Variants in FREM2 observed in about 807,000 individuals in gnomAD.
FREM2 encodes FRAS1 related extracellular matrix 2.
A neutral mutation model predicts 219.9 loss-of-function variants in FREM2; 119 were observed. That is an observed-to-expected ratio of 0.54 (90% CI 0.47 to 0.63). FREM2 has a LOEUF of 0.63. Among genes scored for constraint, FREM2 ranks in the 30% least tolerant of loss-of-function variants. The pLI is 0.00. For missense variants in FREM2, 4,030 were observed against 3,993.6 expected, an observed-to-expected ratio of 1.01 and a Z score of -0.25; for synonymous variants, 1,562 against 1,522.8, an observed-to-expected ratio of 1.03 and a Z score of -0.60.
intron 6 of FREM2, among the ~76,000 whole-genome samples, chr13:38,841,159 G>A (rs546367168): frequency 6.6e-6 from 1 of 152,288 alleles, no homozygotes; most frequent in South Asian, 2.1e-4. Context: ...TCAGTGGGTG[G>A]TTGTGAGGAT....
chr13:38,827,290 G>A (rs1266572299), intron 6 of FREM2: 1 of 152,072 alleles, frequency 6.6e-6, no homozygotes, highest in Non-Finnish European at 1.5e-5. Context: ...TGAGCATTAA[G>A]ACAATATAAC....
Position 38,687,794 on chromosome 13 carries a change from C to A in FREM2, c.450C>A (p.Arg150=). 6.5e-7 allele frequency: 1 copy of A among 1,538,308 alleles called. No individual in the cohort carries two copies. Among genetic ancestry groups the A allele is most frequent in the Non-Finnish European group, 8.8e-7 (1 of 1,138,336 alleles). The stretch of plus-strand genomic sequence containing the variant: ...GCGCGCGCAGCCCGTCTCGGGACCG[C>A]GTCCGGCTGCAGCTGCGCTATGACG... The part of the protein sequence containing the change: ...HLGARSPSRD[R]VRLQLRYDAP... Residue 150 remains arginine, a synonymous_variant, in exon 1 of 24, where the codon CGC becomes CGA. Transcript: ENST00000280481.
rs145007207 is a variant in FREM2 at position 38,727,865 on chromosome 13, A to G, written c.5263+30078A>G. ...GGCACAAATGGAACAAATCAGAACC[A>G]TAGAATGAATTACATTCCTCTTTGA... On this transcript the variant is annotated intron_variant, in intron 2 of 23. Transcript: ENST00000280481. 2.6e-5 allele frequency among the ~76,000 whole-genome samples: 4 copies of G among 152,370 alleles called. No individual in the cohort carries two copies. The East Asian group carries it at 7.7e-4, about 29-fold the overall frequency.
At chr13:38,807,506 T>C (rs1420037961) in intron 6 of FREM2, among the ~76,000 whole-genome samples, 1 of 150,500 alleles carries the variant, frequency 6.6e-6, no homozygotes, top group Non-Finnish European at 1.5e-5. Flanking sequence ...TTACAAAATG[T>C]ATTTTTTAAA....
At chr13:38,842,554 C>T (rs995742866) in intron 6 of FREM2, among the ~76,000 whole-genome samples, 4 of 152,108 alleles carry the variant, frequency 2.6e-5, no homozygotes, top group Non-Finnish European at 1.5e-5. Flanking sequence ...TTATTTTCAG[C>T]ACCGGACAAA....
At chr13:38,813,887 T>G (rs1173237220) in intron 6 of FREM2, among the ~76,000 whole-genome samples, 1 of 151,800 alleles carries the variant, frequency 6.6e-6, no homozygotes, top group Non-Finnish European at 1.5e-5. Context: ...TTCACTGCTT[T>G]TTATTCTCTT....
chr13:38,808,325 T>C (rs926587934), intron 6 of FREM2, among the ~76,000 whole-genome samples: 1 of 152,034 alleles, frequency 6.6e-6, no homozygotes, highest in African/African-American at 2.4e-5. Flanking sequence ...CGCTTTCTTA[T>C]CATTTGTGTG....
At chr13:38,786,553 T>C (rs1053466094) in intron 6 of FREM2, among the ~76,000 whole-genome samples, 2 of 152,134 alleles carry the variant, frequency 1.3e-5, no homozygotes, top group African/African-American at 2.4e-5. Context: ...TTCAGAAAAA[T>C]CTAATAGCCC....
At chr13:38,774,846 G>C (rs1374807503) in intron 4 of FREM2, among the ~76,000 whole-genome samples, 3 of 152,160 alleles carry the variant, frequency 2.0e-5, no homozygotes, top group Non-Finnish European at 4.4e-5. Flanking sequence ...CCTAAAGCCT[G>C]TAATAGTTTA....
In FREM2 at chr13:38,791,816, T is replaced by C. The variant is rs144600716; in HGVS notation, c.6019+7008T>C. The stretch of plus-strand genomic sequence containing the variant: ...GCCAAAAGCAACATATTTATTTCAT[T>C]TGGCTTCTATCTTACCACTTCCTTG... On this transcript the variant is annotated intron_variant, in intron 6 of 23. Coordinates refer to ENST00000280481, the MANE Select transcript of FREM2 (RefSeq NM_207361.6). Among the ~76,000 whole-genome samples, 32 of 152,336 alleles carry C rather than the reference T, an allele frequency of 2.1e-4. No individual in the cohort carries two copies. In the East Asian group the frequency reaches 5.0e-3, roughly 24 times the overall value.
At chr13:38,859,925 ATTAGTT>A (rs1411615837) in intron 14 of FREM2, among the ~76,000 whole-genome samples, 4 of 152,276 alleles carry the variant, frequency 2.6e-5, no homozygotes, top group African/African-American at 9.6e-5. Context: ...GGTAGAAGTG[ATTAGTT>A]TTACCCTGAG....
intron 4 of FREM2, among the ~76,000 whole-genome samples, chr13:38,775,415 G>A (rs902524108): frequency 2.0e-5 from 3 of 152,188 alleles, no homozygotes; most frequent in Admixed American, 2.0e-4. Flanking sequence ...AACTATCAGT[G>A]TGAAGCATAG....
At position 38,689,477 on chromosome 13, in the gene FREM2, G is replaced by A. The variant is rs115446826; in HGVS notation, c.2133G>A (p.Met711Ile). ...TGGGCAGTGGCTGTCCCCTTCGTAT[G>A]GTGGTACAGGAATCCCAGCTCACAC... ...PELGSGCPLR[M>I]VVQESQLTPL... The change falls in exon 1 of 24, where the codon ATG (methionine) becomes ATA (isoleucine). Residue 711 changes from methionine (M) to isoleucine (I), a missense_variant. By Grantham distance (10) the Met-to-Ile change is conservative. Coordinates refer to ENST00000280481, the MANE Select transcript of FREM2 (RefSeq NM_207361.6). The A allele has an allele frequency of 3.8e-4, 607 of 1,614,032 alleles. 1 individual carries two copies. The African/African-American group carries it at 7.1e-3, about 19-fold the overall frequency.
chr13:38,706,365 A>C (rs1275176295), intron 2 of FREM2, among the ~76,000 whole-genome samples: 1 of 152,198 alleles, frequency 6.6e-6, no homozygotes, highest in Non-Finnish European at 1.5e-5. Context: ...TTATATAGAG[A>C]ATGATATAGT....
intron 2 of FREM2, among the ~76,000 whole-genome samples, chr13:38,699,898 G>A (rs1011622291): frequency 1.1e-4 from 16 of 151,994 alleles, no homozygotes; most frequent in Admixed American, 2.6e-4. Context: ...ATTTATTGTC[G>A]TCTAGTCTAT....
intron 1 of FREM2, among the ~76,000 whole-genome samples, chr13:38,695,367 C>T (rs555013330): frequency 6.6e-6 from 1 of 151,912 alleles, no homozygotes; most frequent in Non-Finnish European, 1.5e-5. Flanking sequence ...TAACACATGC[C>T]CTAACTTGGA....
Position 38,690,098 on chromosome 13 carries a change from C to A in FREM2, c.2754C>A (p.Val918=), listed in dbSNP as rs140353326. ...TGACTGATAGCTGCTCCTTGGAAGTCAGTGACAGACATCATGTGGTGCCCA... is the reference window on the plus strand; with the variant it reads ...TGACTGATAGCTGCTCCTTGGAAGTAAGTGACAGACATCATGTGGTGCCCA... The part of the protein sequence containing the change: ...KSLTDSCSLE[V]SDRHHVVPIT... The change falls in exon 1 of 24, where the codon GTC becomes GTA. Residue 918 remains valine, a synonymous_variant. Coordinates refer to ENST00000280481, the MANE Select transcript of FREM2 (RefSeq NM_207361.6). The A allele has an allele frequency of 6.2e-7, 1 of 1,614,076 alleles. No homozygotes were observed. Among genetic ancestry groups the A allele is most frequent in the East Asian group, 2.2e-5 (1 of 44,870 alleles).
intron 6 of FREM2, among the ~76,000 whole-genome samples, chr13:38,814,883 C>T (rs1367827732): frequency 6.6e-6 from 1 of 152,192 alleles, no homozygotes; most frequent in Non-Finnish European, 1.5e-5. Context: ...TAGGCCACCA[C>T]CAATGTTGGC....
rs766996097 is a variant in FREM2 at position 38,690,693 on chromosome 13, A to C, written c.3349A>C (p.Asn1117His). The change falls in exon 1 of 24, where the codon AAC (asparagine) becomes CAC (histidine). Residue 1117 changes from asparagine to histidine, a missense_variant. This residue lies in a region of FREM2 where 3,102 missense variants were observed against 2,950.7 expected (regional missense o/e 1.05). Coordinates refer to ENST00000280481, the MANE Select transcript of FREM2 (RefSeq NM_207361.6). The part of the protein sequence containing the change: ...VIQPTSGYVE[N>H]ISPAPGSEKS... ...TCAGCCTACTTCAGGTTATGTTGAA[A>C]ACATTTCTCCAGCACCAGGCTCTGA... 1 of 1,614,068 alleles carries C rather than the reference A, an allele frequency of 6.2e-7. No individual in the cohort carries two copies. Among genetic ancestry groups the C allele is most frequent in the Admixed American group, 1.7e-5 (1 of 60,032 alleles).
Sources: allele counts gnomAD v4.1 joint callset (sites outside exome capture counted in the v4.1 genomes callset), GRCh38; gene constraint gnomAD v4.1.1; regional missense constraint gnomAD v4.1.1; transcripts MANE v1.5; gene names NCBI Gene and HGNC (gene_info 2026-07-23, HGNC 2026-07-21).